The following DUSP29 variants were observed in gnomAD, a reference collection of about 807,000 sequenced individuals.
The protein encoded by DUSP29 is atypical dual-specific protein phosphatase.
A neutral mutation model predicts 13.5 loss-of-function variants in DUSP29; 12 were observed. That is an observed-to-expected ratio of 0.89 (90% confidence interval 0.57 to 1.44). The LOEUF (loss-of-function observed/expected upper bound fraction) is 1.44, where lower values mean the gene tolerates loss of function less well. Among genes scored for constraint, DUSP29 ranks in the 40% most tolerant of loss-of-function variants. The pLI is 0.00. For synonymous variants in DUSP29, 134 were observed against 128.7 expected (o/e 1.04, Z -0.28); for missense variants, 308 against 301.1 (o/e 1.02, Z -0.17).
Position 75,051,615 on chromosome 10 carries a change from T to A in DUSP29, c.200+6700A>T, listed in dbSNP as rs77474166. 6.3e-3 allele frequency among the ~76,000 whole-genome samples: 959 copies of A among 152,332 alleles called. 7 individuals carry two copies. The highest frequency in any genetic ancestry group is 0.048 in the Middle Eastern group (14 of 294). ...TAGTAGCTTTGGCCATCCCAGGACATCCATCCTTACTCCTGGGTCCTGACC... is the reference window on the plus strand; with the variant it reads ...TAGTAGCTTTGGCCATCCCAGGACAACCATCCTTACTCCTGGGTCCTGACC... On this transcript the variant is annotated intron_variant, in intron 2 of 3. Transcript: ENST00000338487.
At chr10:75,043,691 G>T (rs1846633638) in intron 3 of DUSP29, 106 bp downstream of exon 3, 1 of 1,089,818 alleles carries the variant, frequency 9.2e-7, no homozygotes, top group African/African-American at 1.6e-5. Context: ...TAGGCTAGGG[G>T]CGGAGCCTTA....
At chr10:75,047,124 C>T (rs902360758) in intron 2 of DUSP29, among the ~76,000 whole-genome samples, 1 of 152,142 alleles carries the variant, frequency 6.6e-6, no homozygotes, top group Non-Finnish European at 1.5e-5. Context: ...TCGTGAGGAC[C>T]CTGAGACCCG....
At chr10:75,049,385 C>T (rs963144572) in intron 2 of DUSP29, among the ~76,000 whole-genome samples, 4 of 152,150 alleles carry the variant, frequency 2.6e-5, no homozygotes, top group African/African-American at 9.7e-5. Flanking sequence ...GAAATGATGT[C>T]GTGTGAGTGA....
chr10:75,061,001 A>T (rs760706915), intron 1 of DUSP29, among the ~76,000 whole-genome samples: 1 of 152,176 alleles, frequency 6.6e-6, no homozygotes, highest in South Asian at 2.1e-4. Context: ...GCTATGAGTG[A>T]TGGTGATTGG....
At chr10:75,047,308 G>A (rs2134286130) in intron 2 of DUSP29, among the ~76,000 whole-genome samples, 1 of 152,324 alleles carries the variant, frequency 6.6e-6, no homozygotes, top group South Asian at 2.1e-4. Flanking sequence ...AATAAATGGA[G>A]TGCCTCTTAC....
intron 1 of DUSP29, among the ~76,000 whole-genome samples, chr10:75,060,787 C>T (rs1847071898): frequency 6.6e-6 from 1 of 152,212 alleles, no homozygotes. Flanking sequence ...GAGCACACCA[C>T]CATGGCGGGA....
rs1212935700 is a variant in DUSP29, at chr10:75,037,473, T to G, written c.*363A>C. ...CTTTTTATAAGAAGATGACTTTCCT[T>G]TCAGACAAAGCCAAACGTTTAATCA... On this transcript the variant is annotated 3_prime_UTR_variant, in exon 4 of 4. Coordinates refer to ENST00000338487, the MANE Select transcript of DUSP29 (RefSeq NM_001003892.3). Among the ~76,000 whole-genome samples the G allele has an allele frequency of 6.6e-6, 1 of 152,248 alleles. No individual in the cohort carries two copies. The highest frequency in any genetic ancestry group is 1.5e-5 in the Non-Finnish European group (1 of 68,034).
intron 3 of DUSP29, among the ~76,000 whole-genome samples, chr10:75,040,215 C>G (rs1846554491): frequency 1.3e-5 from 2 of 152,094 alleles, no homozygotes; most frequent in South Asian, 4.2e-4. Context: ...AAAATCTGGT[C>G]GGTTAAAGCT....
Position 75,071,229 on chromosome 10 carries a change from C to T in DUSP29, c.-35+2340G>A, listed in dbSNP as rs567404986. 6.6e-5 allele frequency among the ~76,000 whole-genome samples: 10 copies of T among 152,366 alleles called. No homozygotes were observed. The East Asian group carries it at 1.9e-3, about 29-fold the overall frequency. Reference sequence around the variant, plus strand: ...AAATGGGGCTGTGCTGTCCATCCCTCATTAAGCTGCTGCAATTCTGAGGAA... The same window carrying T: ...AAATGGGGCTGTGCTGTCCATCCCTTATTAAGCTGCTGCAATTCTGAGGAA... On this transcript the variant is annotated intron_variant, in intron 1 of 3. Coordinates refer to ENST00000338487, the MANE Select transcript of DUSP29 (RefSeq NM_001003892.3).
chr10:75,049,641 T>C (rs570744485), intron 2 of DUSP29, among the ~76,000 whole-genome samples: 89 of 152,374 alleles, frequency 5.8e-4, no homozygotes, highest in African/African-American at 1.9e-3. Flanking sequence ...TTTTGCTGCA[T>C]CCTAAACTGG....
intron 2 of DUSP29, among the ~76,000 whole-genome samples, chr10:75,051,366 A>G (rs1846825508): frequency 6.6e-6 from 1 of 152,232 alleles, no homozygotes; most frequent in African/African-American, 2.4e-5. Flanking sequence ...ATTAACGCAT[A>G]GAATCCACAT....
At chr10:75,066,411 G>A (rs942818200) in intron 1 of DUSP29, among the ~76,000 whole-genome samples, 11 of 152,124 alleles carry the variant, frequency 7.2e-5, no homozygotes, top group South Asian at 2.1e-4. Context: ...AGAGGCTGGC[G>A]CTGGCAGAGA....
chr10:75,051,085 C>T (rs1435052373), intron 2 of DUSP29, among the ~76,000 whole-genome samples: 1 of 152,196 alleles, frequency 6.6e-6, no homozygotes, highest in African/African-American at 2.4e-5. Flanking sequence ...CTTCTTAGGC[C>T]TTAGGTCACC....
At chr10:75,050,766 C>T (rs1422278922) in intron 2 of DUSP29, among the ~76,000 whole-genome samples, 1 of 152,232 alleles carries the variant, frequency 6.6e-6, no homozygotes, top group Non-Finnish European at 1.5e-5. Context: ...TGGGTGGCTA[C>T]ACCTTGTGTG....
intron 1 of DUSP29, among the ~76,000 whole-genome samples, chr10:75,066,598 A>G (rs776572015): frequency 1.3e-5 from 2 of 152,146 alleles, no homozygotes; most frequent in African/African-American, 2.4e-5. Context: ...TGTGCTAGAC[A>G]TGTTTTACTT....
chr10:75,071,424 A>G (rs1329069793), intron 1 of DUSP29, among the ~76,000 whole-genome samples: 1 of 152,124 alleles, frequency 6.6e-6, no homozygotes, highest in Admixed American at 6.5e-5. Context: ...GAAGATGCTC[A>G]CAGCCCAGCC....
At position 75,045,471 on chromosome 10, in the gene DUSP29, G is replaced by A. The variant is rs539663362; in HGVS notation, c.201-1454C>T. Among the ~76,000 whole-genome samples the A allele has an allele frequency of 5.9e-5, 9 of 152,356 alleles. No homozygotes were observed. In the South Asian group the frequency reaches 1.9e-3, roughly 32 times the overall value. ...TTTTAGATAGCAGTGAGAGCTATCCGAAGGACCTAAAACTTCATGACATGA... is the reference window on the plus strand; with the variant it reads ...TTTTAGATAGCAGTGAGAGCTATCCAAAGGACCTAAAACTTCATGACATGA... On this transcript the variant is annotated intron_variant, in intron 2 of 3. Transcript: ENST00000338487.
At chr10:75,052,154 G>C (rs368903431) in intron 2 of DUSP29, among the ~76,000 whole-genome samples, 2 of 152,122 alleles carry the variant, frequency 1.3e-5, no homozygotes, top group South Asian at 4.1e-4. Flanking sequence ...TCTAGCACTC[G>C]ATTAACTAGA....
In DUSP29 at chr10:75,045,554, A is replaced by G. The variant is rs868109804; in HGVS notation, c.201-1537T>C. On this transcript the variant is annotated intron_variant, in intron 2 of 3. Transcript: ENST00000338487. ...GCGGTCAGGAAAGGCCACTGTGGGG[A>G]GGTGGTGTTTAAGCCAAGACTGAGG... Among the ~76,000 whole-genome samples the G allele has an allele frequency of 5.3e-5, 8 of 152,242 alleles. No individual in the cohort carries two copies. The South Asian group carries it at 1.7e-3, about 32-fold the overall frequency.
Sources: gnomAD v4.1 joint callset for allele counts (sites outside exome capture counted in the v4.1 genomes callset) on GRCh38, gnomAD v4.1.1 for gene constraint, MANE v1.5 for transcripts, NCBI Gene and HGNC (gene_info 2026-07-23, HGNC 2026-07-21) for gene names.